The following CYB5B variants were observed in gnomAD, a reference collection of about 807,000 sequenced individuals.
CYB5B encodes cytochrome b5 type B (outer mitochondrial membrane).
In CYB5B, 14 loss-of-function variants were observed where a neutral mutation model predicts 21.3. The observed-to-expected ratio is 0.66, with a 90% CI of 0.43 to 1.03. CYB5B has a LOEUF of 1.03. Ranked by LOEUF, CYB5B falls within the 50% of genes least tolerant of loss-of-function variation. The pLI is 0.00. For missense variants in CYB5B, 166 were observed against 185.1 expected (o/e 0.90, Z 0.60); for synonymous variants, 69 against 68.4 (o/e 1.01, Z -0.04).
chr16:69,455,057 C>G (rs566270654), intron 3 of CYB5B, among the ~76,000 whole-genome samples: 4 of 152,184 alleles, frequency 2.6e-5, no homozygotes, highest in Non-Finnish European at 5.9e-5. Flanking sequence ...CCACACCCAG[C>G]TAATTTTTTT....
chr16:69,436,764 T>C (rs1369727266), intron 1 of CYB5B, among the ~76,000 whole-genome samples: 6 of 152,238 alleles, frequency 3.9e-5, no homozygotes, highest in African/African-American at 1.4e-4. Flanking sequence ...TCCATTGTTA[T>C]ATTTTTATTA....
At chr16:69,434,400 G>A (rs1213282786) in intron 1 of CYB5B, among the ~76,000 whole-genome samples, 2 of 152,154 alleles carry the variant, frequency 1.3e-5, no homozygotes, top group Non-Finnish European at 2.9e-5. Flanking sequence ...AAAATTGCTA[G>A]GAGTGAGATT....
intron 1 of CYB5B, among the ~76,000 whole-genome samples, chr16:69,437,410 T>C (rs2014771801): frequency 6.6e-6 from 1 of 152,110 alleles, no homozygotes; most frequent in Admixed American, 6.6e-5. Context: ...TCTTACTAGG[T>C]TTACTTAATA....
intron 1 of CYB5B, among the ~76,000 whole-genome samples, chr16:69,438,013 C>T (rs1274709376): frequency 6.6e-6 from 1 of 152,142 alleles, no homozygotes; most frequent in Non-Finnish European, 1.5e-5. Context: ...CATCTATCTC[C>T]AGAATTTTTC....
In CYB5B at chr16:69,459,268, C is replaced by A. The variant is rs948118987; in HGVS notation, c.362+147C>A. 6 of 1,029,052 alleles carry A rather than the reference C, an allele frequency of 5.8e-6. No individual in the cohort carries two copies. The African/African-American group carries it at 1.0e-4, about 17-fold the overall frequency. 63.7% of individuals were successfully genotyped at this position (1,029,052 alleles called of 1,614,324 possible). A position where few individuals can be genotyped will look rare whatever the true frequency, so the allele number is the denominator to read the frequency against. On this transcript the variant is annotated intron_variant, in intron 4 of 4. Transcript: ENST00000307892. ...CCAAATCATTGCAAATTCAGTTGTT[C>A]CTTGACATTAGAAAAATTAACTTTT...
At chr16:69,462,298 T>A (rs2015042631) in intron 4 of CYB5B, 132 bp from the exon 5 acceptor site, 1 of 671,216 alleles carries the variant, frequency 1.5e-6, no homozygotes, top group Admixed American at 2.7e-5. Context: ...AACTACTTTG[T>A]GATAAAAGCA....
intron 1 of CYB5B, among the ~76,000 whole-genome samples, chr16:69,431,276 A>G (rs2014703033): frequency 6.6e-6 from 1 of 152,058 alleles, no homozygotes; most frequent in African/African-American, 2.4e-5. Flanking sequence ...GGTGTGAGCC[A>G]CGGCACCGGC....
intron 1 of CYB5B, among the ~76,000 whole-genome samples, chr16:69,437,845 C>T (rs1228121281): frequency 6.6e-6 from 1 of 152,200 alleles, no homozygotes; most frequent in Non-Finnish European, 1.5e-5. Context: ...CTAGGTACCC[C>T]ATATAAATGG....
chr16:69,432,547 A>G (rs2014716734), intron 1 of CYB5B, among the ~76,000 whole-genome samples: 1 of 152,230 alleles, frequency 6.6e-6, no homozygotes, highest in African/African-American at 2.4e-5. Flanking sequence ...ATATACTTAT[A>G]TATACAAATA....
At chr16:69,433,952 C>G (rs2014731811) in intron 1 of CYB5B, among the ~76,000 whole-genome samples, 2 of 152,174 alleles carry the variant, frequency 1.3e-5, no homozygotes, top group African/African-American at 4.8e-5. Flanking sequence ...GCAGTTGTGA[C>G]ACAGTAACAA....
chr16:69,454,173 T>C lies in CYB5B; in HGVS notation c.334-4920T>C, dbSNP rs11866377. On this transcript the variant is annotated intron_variant, in intron 3 of 4. Coordinates refer to ENST00000307892, the MANE Select transcript of CYB5B (RefSeq NM_030579.3). The stretch of plus-strand genomic sequence containing the variant: ...ATTTTTTTTCTTGAGTGAGGTGTTA[T>C]ATATTTTATCACAATGAGTTCTTAA... Among the ~76,000 whole-genome samples, 1,088 of 152,350 alleles carry C rather than the reference T, an allele frequency of 7.1e-3. 11 individuals are homozygous for C. The highest frequency in any genetic ancestry group is 0.025 in the African/African-American group (1,027 of 41,576).
intron 1 of CYB5B, among the ~76,000 whole-genome samples, chr16:69,426,219 G>A (rs575571131): frequency 1.3e-5 from 2 of 151,768 alleles, no homozygotes. Context: ...CTAACACGGC[G>A]AAACCCCATC....
intron 1 of CYB5B, among the ~76,000 whole-genome samples, chr16:69,441,925 T>C (rs719620): frequency 0.17 from 26,373 of 152,148 alleles, 2,404 homozygotes; most frequent in Middle Eastern, 0.25. Context: ...TTTGCTACTT[T>C]TCCTGGCCCT....
chr16:69,432,136 G>T (rs2142810031), intron 1 of CYB5B, among the ~76,000 whole-genome samples: 1 of 152,308 alleles, frequency 6.6e-6, no homozygotes, highest in Admixed American at 6.5e-5. Flanking sequence ...CGGGACCCAG[G>T]ACATGCAAGG....
intron 3 of CYB5B, among the ~76,000 whole-genome samples, chr16:69,456,228 C>T (rs2014983017): frequency 6.6e-6 from 1 of 152,154 alleles, no homozygotes; most frequent in Admixed American, 6.5e-5. Context: ...TAGCCTTGAA[C>T]TCCTGGGCTC....
intron 3 of CYB5B, among the ~76,000 whole-genome samples, chr16:69,455,400 CTTTTTT>C (rs67183796): frequency 1.6e-5 from 2 of 122,994 alleles, no homozygotes; most frequent in Admixed American, 8.3e-5. Flanking sequence ...TTGTTGTTCT[CTTTTTT>C]TTTTTTTTTT....
chr16:69,428,597 A>C (rs570723084), intron 1 of CYB5B, among the ~76,000 whole-genome samples: 13 of 152,318 alleles, frequency 8.5e-5, no homozygotes, highest in African/African-American at 3.1e-4. Flanking sequence ...TGGAGGTTGC[A>C]GCGATCCAAG....
chr16:69,442,851 T>C (rs11865441), intron 1 of CYB5B, among the ~76,000 whole-genome samples: 10,035 of 148,376 alleles, frequency 0.068, 401 homozygotes, highest in Middle Eastern at 0.11. Context: ...TTTTAAATTC[T>C]GAGAGTCTCT....
At chr16:69,428,547 T>G (rs13334167) in intron 1 of CYB5B, among the ~76,000 whole-genome samples, 37,759 of 151,860 alleles carry the variant, frequency 0.25, 5,663 homozygotes, top group African/African-American at 0.43. Context: ...TCTCATCTAC[T>G]TGGGAGGCTG....
Sources: allele counts gnomAD v4.1 joint callset (sites outside exome capture counted in the v4.1 genomes callset), GRCh38; gene constraint gnomAD v4.1.1; transcripts MANE v1.5; gene names NCBI Gene and HGNC (gene_info 2026-07-23, HGNC 2026-07-21).